SUCLG2: variants seen among roughly 807,000 people sequenced by gnomAD.
SUCLG2 encodes the protein succinate-CoA ligase GDP-forming subunit beta.
A neutral mutation model predicts 47.9 loss-of-function variants in SUCLG2; 42 were observed. The ratio of observed to expected loss-of-function variants is 0.88; its 90% CI spans 0.69 to 1.14. The LOEUF (loss-of-function observed/expected upper bound fraction) is 1.14, where lower values mean the gene tolerates loss of function less well. Among genes scored for constraint, SUCLG2 ranks in the 50% most tolerant of loss-of-function variants. The probability of loss-of-function intolerance (pLI) is 0.00; values close to 1 mark genes in which losing one functional copy is unlikely to be tolerated. For missense variants in SUCLG2, 571 were observed against 525.9 expected, an observed-to-expected ratio of 1.09 and a Z score of -0.84; for synonymous variants, 195 against 197.3, an observed-to-expected ratio of 0.99 and a Z score of 0.10.
At chr3:67,590,817 A>G (rs1020509541) in intron 2 of SUCLG2, among the ~76,000 whole-genome samples, 1 of 152,216 alleles carries the variant, frequency 6.6e-6, no homozygotes, top group African/African-American at 2.4e-5. Flanking sequence ...TTTAGTGTTA[A>G]GTACTCTTTA....
chr3:67,562,702 G>A (rs1280731127), intron 2 of SUCLG2, among the ~76,000 whole-genome samples: 2 of 152,226 alleles, frequency 1.3e-5, no homozygotes, highest in Non-Finnish European at 2.9e-5. Context: ...TTCCTTGTCT[G>A]TAAGAAGACA....
chr3:67,536,566 G>A (rs1457688795), intron 2 of SUCLG2, among the ~76,000 whole-genome samples: 1 of 152,166 alleles, frequency 6.6e-6, no homozygotes, highest in Non-Finnish European at 1.5e-5. Flanking sequence ...AAATCACCAA[G>A]CCCTGCTGCC....
intron 1 of SUCLG2, among the ~76,000 whole-genome samples, chr3:67,638,494 T>C (rs555178964): frequency 6.6e-6 from 1 of 152,318 alleles, no homozygotes; most frequent in African/African-American, 2.4e-5. Context: ...CACAGTTCTT[T>C]TGCCTTACCT....
chr3:67,577,312 CA>C (rs34305042), intron 2 of SUCLG2, among the ~76,000 whole-genome samples: 102,793 of 132,920 alleles, frequency 0.77, 37,310 homozygotes, highest in Non-Finnish European at 0.84. Flanking sequence ...TCTCAAAAAA[CA>C]AAAAAAAAAG....
At chr3:67,490,258 T>C (rs1413829638) in intron 9 of SUCLG2, among the ~76,000 whole-genome samples, 1 of 152,192 alleles carries the variant, frequency 6.6e-6, no homozygotes, top group Non-Finnish European at 1.5e-5. Flanking sequence ...ACTCTAAATG[T>C]GCAATAATTT....
chr3:67,418,196 T>C (rs7652707), intron 9 of SUCLG2, among the ~76,000 whole-genome samples: 119 of 152,272 alleles, frequency 7.8e-4, no homozygotes, highest in African/African-American at 2.6e-3. Flanking sequence ...CTTTGCAGGG[T>C]TGGTGCCAGG....
intron 9 of SUCLG2, among the ~76,000 whole-genome samples, chr3:67,441,809 T>C (rs1370645354): frequency 1.3e-5 from 2 of 152,116 alleles, no homozygotes; most frequent in African/African-American, 4.8e-5. Context: ...ACTCAGAATA[T>C]TTCCCCACTG....
chr3:67,547,480 C>T (rs966612691), intron 2 of SUCLG2, among the ~76,000 whole-genome samples: 1 of 152,178 alleles, frequency 6.6e-6, no homozygotes, highest in African/African-American at 2.4e-5. Flanking sequence ...CTCCTTCGTC[C>T]TCAAGCACTG....
intron 9 of SUCLG2, among the ~76,000 whole-genome samples, chr3:67,452,806 T>C (rs892959658): frequency 4.6e-5 from 7 of 152,244 alleles, no homozygotes; most frequent in South Asian, 4.1e-4. Flanking sequence ...ACCGCATTTC[T>C]AAATTATAGT....
At chr3:67,562,550 T>TCA (rs1291277760) in intron 2 of SUCLG2, among the ~76,000 whole-genome samples, 7 of 152,360 alleles carry the variant, frequency 4.6e-5, no homozygotes, top group Admixed American at 2.0e-4. Context: ...AGTGCTGGGA[T>TCA]CACAGGCGTG....
At chr3:67,595,653 A>G (rs1575804436) in intron 2 of SUCLG2, among the ~76,000 whole-genome samples, 1 of 152,110 alleles carries the variant, frequency 6.6e-6, no homozygotes, top group African/African-American at 2.4e-5. Flanking sequence ...GAGAAGCTCC[A>G]TTGTGCCTGG....
chr3:67,587,579 G>A (rs529030383), intron 2 of SUCLG2, among the ~76,000 whole-genome samples: 1 of 152,284 alleles, frequency 6.6e-6, no homozygotes, highest in South Asian at 2.1e-4. Flanking sequence ...GTGACAGCTG[G>A]AATGGAGGAG....
chr3:67,466,938 T>C (rs1235933503), intron 9 of SUCLG2, among the ~76,000 whole-genome samples: 2 of 152,260 alleles, frequency 1.3e-5, no homozygotes, highest in Non-Finnish European at 2.9e-5. Flanking sequence ...ACATAAATCC[T>C]TGACTATCTT....
At chr3:67,382,721 T>A (rs1702184521) in intron 10 of SUCLG2, among the ~76,000 whole-genome samples, 1 of 152,200 alleles carries the variant, frequency 6.6e-6, no homozygotes, top group Non-Finnish European at 1.5e-5. Context: ...CAGTGGCTGT[T>A]TGCGCTTTGC....
chr3:67,520,433 T>A, intron 5 of SUCLG2, 49 bp downstream of exon 5: 1 of 1,612,802 alleles, frequency 6.2e-7, no homozygotes, highest in Non-Finnish European at 8.5e-7. Flanking sequence ...TTTAACAGCT[T>A]CTACAATAAC....
chr3:67,390,778 G>A (rs541642221), intron 10 of SUCLG2, among the ~76,000 whole-genome samples: 1 of 152,208 alleles, frequency 6.6e-6, no homozygotes, highest in African/African-American at 2.4e-5. Flanking sequence ...TACAGTCAGT[G>A]TACAAAGCGT....
At chr3:67,651,153 A>T (rs1486971097) in intron 1 of SUCLG2, among the ~76,000 whole-genome samples, 2 of 152,212 alleles carry the variant, frequency 1.3e-5, no homozygotes, top group Non-Finnish European at 2.9e-5. Context: ...AGCCTAACTT[A>T]GATTTATAAC....
At chr3:67,635,917 T>C (rs2107359704) in intron 1 of SUCLG2, among the ~76,000 whole-genome samples, 1 of 152,292 alleles carries the variant, frequency 6.6e-6, no homozygotes, top group South Asian at 2.1e-4. Flanking sequence ...AGTACTTGTT[T>C]TATATTTTCT....
At chr3:67,618,701 A>C (rs1270269047) in intron 1 of SUCLG2, among the ~76,000 whole-genome samples, 1 of 152,190 alleles carries the variant, frequency 6.6e-6, no homozygotes. Context: ...ACAGACAAAA[A>C]CTATACTGCC....
Sources: gnomAD v4.1 joint callset for allele counts (sites outside exome capture counted in the v4.1 genomes callset) on GRCh38, gnomAD v4.1.1 for gene constraint, MANE v1.5 for transcripts, NCBI Gene and HGNC (gene_info 2026-07-23, HGNC 2026-07-21) for gene names.